KCNQ1: variants seen among roughly 807,000 people sequenced by gnomAD.
KCNQ1 encodes the protein potassium voltage-gated channel subfamily KQT member 1.
KCNQ1 carries 49 observed loss-of-function variants against 72.4 expected under a neutral mutation model. The ratio of observed to expected loss-of-function variants is 0.68; its 90% CI spans 0.54 to 0.86. The LOEUF is 0.86. Ranked by LOEUF, KCNQ1 falls within the 40% of genes least tolerant of loss-of-function variation. The pLI is 0.00. For missense variants in KCNQ1, 790 were observed against 945.1 expected (o/e 0.84, Z 2.15); for synonymous variants, 450 against 412.6 (o/e 1.09, Z -1.10).
At chr11:2,795,897 GTGGCCAACCCC>G (rs1847119088) in intron 15 of KCNQ1, among the ~76,000 whole-genome samples, 1 of 152,194 alleles carries the variant, frequency 6.6e-6, no homozygotes, top group African/African-American at 2.4e-5. Flanking sequence ...GGGGGTAAGT[GTGGCCAACCCC>G]TTGCACAGGG....
rs1425343218 is a variant in KCNQ1, at chr11:2,602,987, G to T, written c.1393+14133G>T. On this transcript the variant is annotated intron_variant, in intron 10 of 15. Coordinates refer to ENST00000155840, the MANE Select transcript of KCNQ1 (RefSeq NM_000218.3). This position sits in a 1 kb window ranked among gnomAD's most constrained non-coding sequence, Gnocchi z 4.8. The stretch of plus-strand genomic sequence containing the variant: ...CAGGTCTAAGAAGTCTTTGGCCCTG[G>T]ACCCCAAATATCTTCTGCTATAGCT... Among the ~76,000 whole-genome samples, 1 of 152,100 alleles carries T rather than the reference G, an allele frequency of 6.6e-6. No homozygotes were observed. The highest frequency in any genetic ancestry group is 1.5e-5 in the Non-Finnish European group (1 of 68,010).
intron 1 of KCNQ1, among the ~76,000 whole-genome samples, chr11:2,518,498 C>A (rs1453162416): frequency 2.0e-5 from 3 of 152,164 alleles, no homozygotes; most frequent in African/African-American, 7.2e-5. Context: ...GTGGACCCAG[C>A]CGAAAGCTGG....
chr11:2,486,971 T>C lies in KCNQ1; in HGVS notation c.387-40957T>C, dbSNP rs1846749991. The stretch of plus-strand genomic sequence containing the variant: ...AGCCAAATCCAATGTCATGAAGCTT[T>C]TGCCCTATGTTTTCTTCTAAGATTT... On this transcript the variant is annotated intron_variant, in intron 1 of 15. Coordinates refer to ENST00000155840, the MANE Select transcript of KCNQ1 (RefSeq NM_000218.3). This position sits in a 1 kb window ranked among gnomAD's most constrained non-coding sequence, Gnocchi z 5.0. Among the ~76,000 whole-genome samples, 1 of 152,238 alleles carries C rather than the reference T, an allele frequency of 6.6e-6. No individual in the cohort carries two copies. The highest frequency in any genetic ancestry group is 1.5e-5 in the Non-Finnish European group (1 of 68,040).
chr11:2,575,315 G>A (rs1192829672), intron 6 of KCNQ1, among the ~76,000 whole-genome samples: 2 of 152,092 alleles, frequency 1.3e-5, no homozygotes, highest in Non-Finnish European at 2.9e-5. Context: ...GCCATCGCGC[G>A]CCCTGGCCTG....
chr11:2,587,838 G>A (rs1431966008), intron 9 of KCNQ1, 146 bp downstream of exon 9: 49 of 1,156,428 alleles, frequency 4.2e-5, no homozygotes, highest in Non-Finnish European at 1.3e-6. Flanking sequence ...GGGACACTGG[G>A]CCATACACCC....
At chr11:2,681,695 G>C in intron 11 of KCNQ1, 2 of 389,246 alleles carry the variant, frequency 5.1e-6, no homozygotes, top group Admixed American at 9.6e-5. Context: ...GGCTGCCGTT[G>C]CTTCCCATGT....
rs55865890 is a variant in KCNQ1 at position 2,501,718 on chromosome 11, C to CAAAAAAAAAAA, written c.387-26191_387-26181dup. 3.0e-4 allele frequency among the ~76,000 whole-genome samples: 21 copies of CAAAAAAAAAAA among 68,904 alleles called. 1 individual carries two copies. Among genetic ancestry groups the CAAAAAAAAAAA allele is most frequent in the African/African-American group, 5.0e-4 (10 of 20,130 alleles). The allele number at this position is 68,904 out of a possible 152,430, so 45.2% of individuals were successfully genotyped here. On this transcript the variant is annotated intron_variant, in intron 1 of 15. Transcript: ENST00000155840. ...TTACCAAAACCAGACAAAGATACATCAAAAAAAAAAAAAAAAAAAAAAAAA... is the reference window on the plus strand; with the variant it reads ...TTACCAAAACCAGACAAAGATACATCAAAAAAAAAAAAAAAAAAAAAAAAAAAAAAAAAAAA...
intron 1 of KCNQ1, among the ~76,000 whole-genome samples, chr11:2,453,176 C>T (rs1207913391): frequency 6.6e-6 from 1 of 152,192 alleles, no homozygotes; most frequent in African/African-American, 2.4e-5. Context: ...GAGTTCGAGA[C>T]CAGCCTGACC....
Position 2,617,054 on chromosome 11 carries a change from T to A in KCNQ1, c.1393+28200T>A. 2.5e-6 allele frequency: 1 copy of A among 398,204 alleles called. No individual in the cohort carries two copies. Among genetic ancestry groups the A allele is most frequent in the East Asian group, 3.6e-5 (1 of 28,026 alleles). The allele number at this position is 398,204 out of a possible 1,614,324, so 24.7% of individuals were successfully genotyped here. A position where few individuals can be genotyped will look rare whatever the true frequency, so the allele number is the denominator to read the frequency against. ...ATAGTGATGCAAATTAATATGTCCA[T>A]CATCTCACAGTTATTCTTTTGTGTG... On this transcript the variant is annotated intron_variant, in intron 10 of 15. Transcript: ENST00000155840. This position sits in a 1 kb window ranked among gnomAD's most constrained non-coding sequence, Gnocchi z 4.6.
At chr11:2,798,951 G>GAGGGTACCCGCGTGA (rs1415781021) in intron 15 of KCNQ1, among the ~76,000 whole-genome samples, 1 of 152,202 alleles carries the variant, frequency 6.6e-6, no homozygotes, top group Admixed American at 6.5e-5. Flanking sequence ...AAGGAGAGCA[G>GAGGGTACCCGCGTGA]AGGGTACCCG....
chr11:2,620,714 GA>G lies in KCNQ1; in HGVS notation c.1393+31861del. The G allele has an allele frequency of 2.5e-6, 1 of 398,554 alleles. No homozygotes were observed. Among genetic ancestry groups the G allele is most frequent in the Non-Finnish European group, 4.4e-6 (1 of 226,038 alleles). 24.7% of individuals were successfully genotyped at this position (398,554 alleles called of 1,614,324 possible). ...CCTTTGAATATATATCCAGTAATGG[GA>G]TTGCTGGGTCAGATGGTAGTTCTGT... On this transcript the variant is annotated intron_variant, in intron 10 of 15. Coordinates refer to ENST00000155840, the MANE Select transcript of KCNQ1 (RefSeq NM_000218.3). The surrounding 1 kb of genome is among the most constrained non-coding windows in gnomAD (Gnocchi z 4.5).
chr11:2,578,588 T>C (rs1168834591), intron 6 of KCNQ1, among the ~76,000 whole-genome samples: 1 of 152,200 alleles, frequency 6.6e-6, no homozygotes, highest in Non-Finnish European at 1.5e-5. Context: ...GCCCAGAGCC[T>C]CCATGAAGAG....
At position 2,652,323 on chromosome 11, in the gene KCNQ1, A is replaced by C. The variant is rs533113425; in HGVS notation, c.1394-9638A>C. 47 of 398,678 alleles carry C rather than the reference A, an allele frequency of 1.2e-4. 1 individual carries two copies. The East Asian group carries it at 1.4e-3, about 12-fold the overall frequency. The allele number at this position is 398,678 out of a possible 1,614,324, so 24.7% of individuals were successfully genotyped here. Reference sequence around the variant, plus strand: ...ACTAATTGCTTTGATTATTGTGTGAAGTTAAGAACTGGCACATTTCCGCGA... The same window carrying C: ...ACTAATTGCTTTGATTATTGTGTGACGTTAAGAACTGGCACATTTCCGCGA... On this transcript the variant is annotated intron_variant, in intron 10 of 15. Coordinates refer to ENST00000155840, the MANE Select transcript of KCNQ1 (RefSeq NM_000218.3). This position sits in a 1 kb window ranked among gnomAD's most constrained non-coding sequence, Gnocchi z 5.9.
rs1425911417 is a variant in KCNQ1, at chr11:2,703,263, CCTT to C, written c.1514+41186_1514+41188del. On this transcript the variant is annotated intron_variant, in intron 11 of 15. Coordinates refer to ENST00000155840, the MANE Select transcript of KCNQ1 (RefSeq NM_000218.3). This position sits in a 1 kb window ranked among gnomAD's most constrained non-coding sequence, Gnocchi z 6.4. ...GAAATTTGGCGCCTGCACCTTGTCACCTTCTTGGGACTCAAGGCTGCAGGGGTG... is the reference window on the plus strand; with the variant it reads ...GAAATTTGGCGCCTGCACCTTGTCACCTTGGGACTCAAGGCTGCAGGGGTG... 6.6e-6 allele frequency among the ~76,000 whole-genome samples: 1 copy of C among 152,146 alleles called. No individual in the cohort carries two copies. Among genetic ancestry groups the C allele is most frequent in the East Asian group, 1.9e-4 (1 of 5,184 alleles).
intron 1 of KCNQ1, among the ~76,000 whole-genome samples, chr11:2,520,788 G>A (rs1246799976): frequency 6.6e-6 from 1 of 152,132 alleles, no homozygotes. Context: ...AGTCTCCCAG[G>A]ATGACTTTTT....
chr11:2,627,943 G>A lies in KCNQ1; in HGVS notation c.1394-34018G>A, dbSNP rs1849287692. On this transcript the variant is annotated intron_variant, in intron 10 of 15. Coordinates refer to ENST00000155840, the MANE Select transcript of KCNQ1 (RefSeq NM_000218.3). The surrounding 1 kb of genome is among the most constrained non-coding windows in gnomAD (Gnocchi z 4.9). ...TTTTTAAAATTTTATGTAGAGATAG[G>A]GTATCACTATGTTTCCTAGGCTGGT... 6 of 398,364 alleles carry A rather than the reference G, an allele frequency of 1.5e-5. No individual in the cohort carries two copies. Among genetic ancestry groups the A allele is most frequent in the Non-Finnish European group, 2.7e-5 (6 of 226,046 alleles). 24.7% of individuals were successfully genotyped at this position (398,364 alleles called of 1,614,324 possible).
intron 10 of KCNQ1, among the ~76,000 whole-genome samples, chr11:2,589,799 C>T (rs1232778487): frequency 2.0e-5 from 3 of 152,182 alleles, no homozygotes; most frequent in Non-Finnish European, 4.4e-5. Flanking sequence ...CCCCACACTG[C>T]TCCAGGGCAG....
In KCNQ1 at chr11:2,748,851, C is replaced by G. The variant is rs1354883306; in HGVS notation, c.1515-19993C>G. ...GGGGGCCAAGATCCCCACCTCTGGT[C>G]TGGCAGCTGGGTGTGCAGGGGCAGC... On this transcript the variant is annotated intron_variant, in intron 11 of 15. Coordinates refer to ENST00000155840, the MANE Select transcript of KCNQ1 (RefSeq NM_000218.3). The surrounding 1 kb of genome is among the most constrained non-coding windows in gnomAD (Gnocchi z 6.2). 3.3e-5 allele frequency among the ~76,000 whole-genome samples: 5 copies of G among 152,228 alleles called. No individual in the cohort carries two copies. The highest frequency in any genetic ancestry group is 3.3e-4 in the Admixed American group (5 of 15,284).
intron 2 of KCNQ1, among the ~76,000 whole-genome samples, chr11:2,553,699 T>C (rs1426268485): frequency 6.6e-6 from 1 of 151,764 alleles, no homozygotes; most frequent in Non-Finnish European, 1.5e-5. Flanking sequence ...TTATTTTATA[T>C]GTATTTGTAC....
Sources: allele counts gnomAD v4.1 joint callset (sites outside exome capture counted in the v4.1 genomes callset), GRCh38; gene constraint gnomAD v4.1.1; non-coding constraint Gnocchi (gnomAD v3.1); transcripts MANE v1.5; gene names NCBI Gene and HGNC (gene_info 2026-07-23, HGNC 2026-07-21).